GAS2: variants seen among roughly 807,000 people sequenced by gnomAD.
GAS2 encodes growth arrest specific 2, also known as growth arrest-specific protein 2.
Under a neutral mutation model 37.5 loss-of-function variants are expected in GAS2, and 20 were observed. That is an observed-to-expected ratio of 0.53 (90% CI 0.37 to 0.77). The LOEUF (loss-of-function observed/expected upper bound fraction) is 0.77. GAS2 is among the 30% of genes least tolerant of loss of function. The pLI is 0.00. For missense variants in GAS2, 336 were observed against 373.4 expected (o/e 0.90, Z 0.82); for synonymous variants, 144 against 132.2 (o/e 1.09, Z -0.61).
intron 2 of GAS2, among the ~76,000 whole-genome samples, chr11:22,676,772 TA>T (rs55904107): frequency 4.0e-5 from 6 of 151,564 alleles, no homozygotes; most frequent in Non-Finnish European, 7.4e-5. Context: ...TAAGCATTGG[TA>T]AAAAAAAGTG....
upstream of GAS2, among the ~76,000 whole-genome samples, chr11:22,662,903 A>AAAAAT (rs1848931076): frequency 6.6e-6 from 1 of 152,120 alleles, no homozygotes; most frequent in Non-Finnish European, 1.5e-5. Flanking sequence ...AAATAAAAAT[A>AAAAAT]AAAAATTAGC....
intron 7 of GAS2, among the ~76,000 whole-genome samples, chr11:22,774,089 G>T (rs944082007): frequency 3.9e-5 from 6 of 152,134 alleles, no homozygotes; most frequent in African/African-American, 1.4e-4. Context: ...CGCCTCCCGG[G>T]TTCAAGCAAT....
intron 2 of GAS2, among the ~76,000 whole-genome samples, chr11:22,681,817 G>A (rs1341660528): frequency 1.4e-5 from 2 of 146,120 alleles, no homozygotes; most frequent in African/African-American, 2.6e-5. Context: ...GATAAATTCA[G>A]CTACTTTTAT....
intron 2 of GAS2, among the ~76,000 whole-genome samples, chr11:22,678,659 A>G (rs893699735): frequency 5.3e-5 from 8 of 151,960 alleles, no homozygotes; most frequent in Admixed American, 4.6e-4. Context: ...TATGTTTTTC[A>G]AAAGGAGTTT....
At chr11:22,641,859 C>T (rs1262939480) in intron 1 of GAS2, among the ~76,000 whole-genome samples, 2 of 152,002 alleles carry the variant, frequency 1.3e-5, no homozygotes, top group African/African-American at 2.4e-5. Context: ...CCTGTCATTG[C>T]CATATACTGT....
Position 22,685,702 on chromosome 11 carries a change from G to A in GAS2, c.180G>A (p.Lys60=), listed in dbSNP as rs1590631301. The change falls in exon 3 of 8, where the codon AAG becomes AAA. Residue 60 remains lysine, a synonymous_variant. Coordinates refer to ENST00000454584, the MANE Select transcript of GAS2 (RefSeq NM_001143830.3). ...TTACAGCAGAAACTTTTATGGAGAA[G>A]TTGGACAATGGTGCCTTGCTCTGTC... ...KEITAETFME[K]LDNGALLCQL... The A allele has an allele frequency of 4.3e-6, 7 of 1,613,672 alleles. No homozygotes were observed. The East Asian group carries it at 1.3e-4, about 31-fold the overall frequency.
At chr11:22,633,190 T>G (rs537830529) in intron 1 of GAS2, among the ~76,000 whole-genome samples, 24 of 152,336 alleles carry the variant, frequency 1.6e-4, no homozygotes, top group African/African-American at 5.8e-4. Context: ...GACCATTTCT[T>G]CTAATTACTT....
intron 7 of GAS2, among the ~76,000 whole-genome samples, chr11:22,765,921 A>G (rs1328644310): frequency 1.3e-5 from 2 of 152,146 alleles, no homozygotes; most frequent in Non-Finnish European, 2.9e-5. Flanking sequence ...GTGGAAGAAA[A>G]AGAGGGAGCA....
chr11:22,657,615 G>A (rs1351178456), intron 1 of GAS2, among the ~76,000 whole-genome samples: 2 of 152,030 alleles, frequency 1.3e-5, no homozygotes, highest in Admixed American at 6.6e-5. Flanking sequence ...TACAAACAAG[G>A]CAAGGAAAAC....
chr11:22,686,710 A>G (rs1185215904), intron 3 of GAS2, among the ~76,000 whole-genome samples: 1 of 151,904 alleles, frequency 6.6e-6, no homozygotes, highest in East Asian at 1.9e-4. Flanking sequence ...AGATCACGCC[A>G]TTGCACTCCA....
chr11:22,648,975 G>C (rs576015214), intron 1 of GAS2, among the ~76,000 whole-genome samples: 13 of 152,190 alleles, frequency 8.5e-5, no homozygotes, highest in African/African-American at 2.6e-4. Context: ...TGGTGAGAGA[G>C]GGCATCCCTG....
intron 3 of GAS2, among the ~76,000 whole-genome samples, chr11:22,724,396 A>G (rs182851215): frequency 2.0e-5 from 3 of 152,144 alleles, no homozygotes; most frequent in Middle Eastern, 3.4e-3. Context: ...GTTGCAACAA[A>G]TATACTTGTA....
intron 1 of GAS2, among the ~76,000 whole-genome samples, chr11:22,652,740 T>C (rs1015704999): frequency 4.6e-5 from 7 of 152,226 alleles, no homozygotes; most frequent in African/African-American, 1.7e-4. Context: ...CCTGACCCCT[T>C]GCGCTTCCCC....
intron 1 of GAS2, 96 bp from the exon 2 acceptor site, chr11:22,674,753 GA>G: frequency 1.1e-6 from 1 of 903,228 alleles, no homozygotes; most frequent in Non-Finnish European, 1.6e-6. Flanking sequence ...ACTGTCATCA[GA>G]AAACCCGCGG....
At chr11:22,722,339 A>C (rs1473560035) in intron 3 of GAS2, among the ~76,000 whole-genome samples, 2 of 151,958 alleles carry the variant, frequency 1.3e-5, no homozygotes, top group African/African-American at 4.8e-5. Context: ...AATCTTGCTG[A>C]GAGATAAAAT....
In GAS2 at chr11:22,812,165, CTATT is replaced by C. The variant is rs1287278713; in HGVS notation, c.*155_*158del. The C allele has an allele frequency of 1.7e-4, 102 of 616,932 alleles. No individual in the cohort carries two copies. The highest frequency in any genetic ancestry group is 2.5e-4 in the Non-Finnish European group (90 of 354,086). 38.2% of individuals were successfully genotyped at this position (616,932 alleles called of 1,614,324 possible). ...ATTGAAAAATGTTCAAAGAGTAGCACTATTTATTTTTAATGCTTCTGTAGAATAT... is the reference window on the plus strand; with the variant it reads ...ATTGAAAAATGTTCAAAGAGTAGCACTATTTTTAATGCTTCTGTAGAATAT... On this transcript the variant is annotated 3_prime_UTR_variant, in exon 8 of 8. Transcript: ENST00000454584.
At chr11:22,627,825 T>C (rs1007160560) in intron 1 of GAS2, among the ~76,000 whole-genome samples, 1 of 152,150 alleles carries the variant, frequency 6.6e-6, no homozygotes, top group South Asian at 2.1e-4. Flanking sequence ...AAACCAACTT[T>C]TCAGTTGAAA....
chr11:22,710,213 T>C (rs2134076241), intron 3 of GAS2, among the ~76,000 whole-genome samples: 1 of 152,146 alleles, frequency 6.6e-6, no homozygotes. Flanking sequence ...AAAACAACTT[T>C]TTTTCCCCTA....
intron 5 of GAS2, among the ~76,000 whole-genome samples, chr11:22,739,627 G>A (rs1053038695): frequency 2.1e-5 from 3 of 146,172 alleles, no homozygotes; most frequent in Non-Finnish European, 3.0e-5. Context: ...ACAAGGGGTA[G>A]GAAATCAAAC....
Sources: gnomAD v4.1 joint callset for allele counts (sites outside exome capture counted in the v4.1 genomes callset) on GRCh38, gnomAD v4.1.1 for gene constraint, MANE v1.5 for transcripts, NCBI Gene and HGNC (gene_info 2026-07-23, HGNC 2026-07-21) for gene names.